The following MTUS1 variants were observed in gnomAD, a reference collection of about 807,000 sequenced individuals.
MTUS1 encodes microtubule-associated tumor suppressor 1.
Under a neutral mutation model 120.8 loss-of-function variants are expected in MTUS1, and 109 were observed. The ratio of observed to expected loss-of-function variants is 0.90; its 90% CI spans 0.77 to 1.06. MTUS1 has a LOEUF of 1.06. MTUS1 is among the 50% of genes least tolerant of loss of function. MTUS1 has a pLI of 0.00. For missense variants in MTUS1, 2,210 were observed against 1,486.3 expected, an observed-to-expected ratio of 1.49 and a Z score of -8.01; for synonymous variants, 737 against 550.5, an observed-to-expected ratio of 1.34 and a Z score of -4.74.
At chr8:17,649,597 G>A (rs1806543169) in intron 13 of MTUS1, among the ~76,000 whole-genome samples, 1 of 152,120 alleles carries the variant, frequency 6.6e-6, no homozygotes, top group Non-Finnish European at 1.5e-5. Flanking sequence ...ATATAAGCCT[G>A]ATTTGTTTGT....
At chr8:17,748,644 G>A (rs541299137) in intron 2 of MTUS1, among the ~76,000 whole-genome samples, 50 of 152,316 alleles carry the variant, frequency 3.3e-4, no homozygotes, top group African/African-American at 1.2e-3. Flanking sequence ...CCTGCACACA[G>A]CATGCTCCTG....
Position 17,656,002 on chromosome 8 carries a change from T to G in MTUS1, c.2969A>C (p.Glu990Ala), listed in dbSNP as rs1206052222. The G allele has an allele frequency of 1.2e-6, 2 of 1,614,256 alleles. No individual in the cohort carries two copies. Reference sequence around the variant, plus strand: ...AGCCTGGTGCTGCTGGACGAATGCTTCATACACTGTTTGTAACTCATTCCT... The same window carrying G: ...AGCCTGGTGCTGCTGGACGAATGCTGCATACACTGTTTGTAACTCATTCCT... ...KARNELQTVY[E>A]AFVQQHQAEK... The change falls in exon 9 of 15, where the codon GAA (glutamate) becomes GCA (alanine). Residue 990 changes from glutamate (E) to alanine (A), a missense_variant. Glu to Ala is a moderately radical substitution (Grantham distance 107). Coordinates refer to ENST00000693296, the MANE Select transcript of MTUS1 (RefSeq NM_001363059.2).
chr8:17,784,802 T>C (rs2051164548), intron 1 of MTUS1, among the ~76,000 whole-genome samples: 1 of 151,562 alleles, frequency 6.6e-6, no homozygotes, highest in Non-Finnish European at 1.5e-5. Flanking sequence ...TTTTTTTTTT[T>C]GACACAGAGG....
intron 1 of MTUS1, among the ~76,000 whole-genome samples, chr8:17,763,691 G>A (rs1292892051): frequency 6.6e-6 from 1 of 152,144 alleles, no homozygotes; most frequent in East Asian, 1.9e-4. Flanking sequence ...ACCCAGCCTG[G>A]AGCCCCAGGC....
chr8:17,673,680 G>A (rs3862091), intron 8 of MTUS1, among the ~76,000 whole-genome samples: 59,344 of 151,856 alleles, frequency 0.39, 13,020 homozygotes, highest in African/African-American at 0.61. Context: ...GTCTCAAACT[G>A]CTGGCCTCAA....
chr8:17,697,164 A>T, intron 6 of MTUS1: 1 of 1,448,862 alleles, frequency 6.9e-7, no homozygotes, highest in Admixed American at 2.2e-5. Flanking sequence ...TCCTCCAATT[A>T]TCTGTCTCCT....
At chr8:17,660,967 G>A (rs1476769496) in intron 8 of MTUS1, among the ~76,000 whole-genome samples, 1 of 152,180 alleles carries the variant, frequency 6.6e-6, no homozygotes, top group Non-Finnish European at 1.5e-5. Context: ...AAGCCTTTGG[G>A]ACTGAATATT....
intron 3 of MTUS1, among the ~76,000 whole-genome samples, chr8:17,735,040 T>A (rs2046833334): frequency 6.6e-6 from 1 of 152,116 alleles, no homozygotes; most frequent in African/African-American, 2.4e-5. Flanking sequence ...GGCTCCCGAG[T>A]AGCTAGTAGC....
In MTUS1 at chr8:17,684,522, T is replaced by C; in HGVS notation, c.2644A>G (p.Asn882Asp). 6.2e-7 allele frequency: 1 copy of C among 1,613,960 alleles called. No individual in the cohort carries two copies. Among genetic ancestry groups the C allele is most frequent in the Non-Finnish European group, 8.5e-7 (1 of 1,179,994 alleles). Reference protein sequence around the residue: ...LNAVEKSRQKNPRSLCIQPQT... With the variant: ...LNAVEKSRQKDPRSLCIQPQT... ...GGCTGGATACATAAGCTTCGAGGAT[T>C]CTTTTGCCTGCTCTTTTCAACTGCA... The change falls in exon 7 of 15, where the codon AAT becomes GAT. Residue 882 changes from asparagine to aspartate, a missense_variant. Coordinates refer to ENST00000693296, the MANE Select transcript of MTUS1 (RefSeq NM_001363059.2).
intron 12 of MTUS1, 101 bp from the exon 13 acceptor site, chr8:17,650,063 G>C: frequency 1.3e-6 from 1 of 756,134 alleles, no homozygotes; most frequent in Non-Finnish European, 2.4e-6. Flanking sequence ...AGTAGCAAGC[G>C]ACAGATGTTC....
chr8:17,743,683 C>G lies in MTUS1; in HGVS notation c.2208G>C (p.Leu736Phe). The change falls in exon 3 of 15, where the codon TTG (leucine) becomes TTC (phenylalanine). Residue 736 changes from leucine to phenylalanine, a missense_variant. Coordinates refer to ENST00000693296, the MANE Select transcript of MTUS1 (RefSeq NM_001363059.2). ...GATTTCTATTGTCACTGTTCCGCCT[C>G]AAACAGGAAACAGGGGGCCCCACTT... is the stretch of plus-strand genomic sequence containing the variant. ...KAKVGPPVSC[L>F]RRNSDNRNPS... The G allele has an allele frequency of 6.2e-7, 1 of 1,614,162 alleles. No homozygotes were observed. The highest frequency in any genetic ancestry group is 1.3e-5 in the African/African-American group (1 of 75,030).
chr8:17,680,328 G>A (rs1397039921), intron 7 of MTUS1, among the ~76,000 whole-genome samples: 1 of 151,924 alleles, frequency 6.6e-6, no homozygotes, highest in Non-Finnish European at 1.5e-5. Context: ...TCTGGGTATG[G>A]TGGTGGGCAT....
At chr8:17,737,564 C>T (rs1190564312) in intron 3 of MTUS1, among the ~76,000 whole-genome samples, 1 of 152,226 alleles carries the variant, frequency 6.6e-6, no homozygotes, top group Non-Finnish European at 1.5e-5. Context: ...TTATAGCTCA[C>T]TGAACCCTCA....
intron 3 of MTUS1, among the ~76,000 whole-genome samples, chr8:17,725,834 G>C (rs1442066031): frequency 6.6e-6 from 1 of 152,128 alleles, no homozygotes; most frequent in Non-Finnish European, 1.5e-5. Flanking sequence ...TGTGGCCCAA[G>C]ACAATTCTTC....
intron 7 of MTUS1, among the ~76,000 whole-genome samples, chr8:17,677,299 C>T (rs75052475): frequency 0.017 from 2,589 of 152,186 alleles, 59 homozygotes; most frequent in African/African-American, 0.059. Flanking sequence ...CAAGTAAACA[C>T]CAGGAAGCTT....
chr8:17,739,032 A>C (rs1267145157), intron 3 of MTUS1, among the ~76,000 whole-genome samples: 1 of 152,044 alleles, frequency 6.6e-6, no homozygotes, highest in Non-Finnish European at 1.5e-5. Context: ...GATACCAGGT[A>C]CATGGGACGC....
intron 4 of MTUS1, chr8:17,716,352 C>G (rs1176361308): frequency 6.5e-6 from 1 of 154,298 alleles, no homozygotes; most frequent in Non-Finnish European, 1.4e-5. Flanking sequence ...CGCTCTGGTT[C>G]AAATCCTTGC....
chr8:17,791,243 C>T (rs1426313203), intron 1 of MTUS1, among the ~76,000 whole-genome samples: 1 of 152,190 alleles, frequency 6.6e-6, no homozygotes, highest in African/African-American at 2.4e-5. Flanking sequence ...AACCGCAGGG[C>T]TGATGTGATC....
chr8:17,660,192 G>C (rs57249095), intron 8 of MTUS1, among the ~76,000 whole-genome samples: 5,751 of 152,170 alleles, frequency 0.038, 378 homozygotes, highest in African/African-American at 0.13. Flanking sequence ...GGCCAACATG[G>C]TGAAACCCCA....
Sources: allele counts gnomAD v4.1 joint callset (sites outside exome capture counted in the v4.1 genomes callset), GRCh38; gene constraint gnomAD v4.1.1; transcripts MANE v1.5; gene names NCBI Gene and HGNC (gene_info 2026-07-23, HGNC 2026-07-21).